Variants in GPC6 observed in about 807,000 individuals in gnomAD.
GPC6 encodes the protein glypican-6.
Under a neutral mutation model 55.2 loss-of-function variants are expected in GPC6, and 14 were observed. That is an observed-to-expected ratio of 0.25 (90% CI 0.17 to 0.40). The LOEUF is 0.40. Ranked by LOEUF, GPC6 falls within the 10% of genes least tolerant of loss-of-function variation. The probability of loss-of-function intolerance (pLI) is 1.00; values close to 1 mark genes in which losing one functional copy is unlikely to be tolerated. For synonymous variants in GPC6, 278 were observed against 259.6 expected (o/e 1.07, Z -0.68); for missense variants, 641 against 708.5 (o/e 0.90, Z 1.08).
At position 93,963,792 on chromosome 13, in the gene GPC6, A is replaced by G. The variant is rs1015831047; in HGVS notation, c.712-63937A>G. ...GTGTTCTTTCCTACAGCTAATTTTC[A>G]AACAGAATTTCAACAGATGTGACAA... On this transcript the variant is annotated intron_variant, in intron 3 of 8. Transcript: ENST00000377047. Among the ~76,000 whole-genome samples the G allele has an allele frequency of 3.9e-5, 6 of 152,340 alleles. No individual in the cohort carries two copies. In the East Asian group the frequency reaches 1.2e-3, roughly 29 times the overall value.
At chr13:94,175,041 T>G (rs746562902) in intron 4 of GPC6, among the ~76,000 whole-genome samples, 5 of 152,246 alleles carry the variant, frequency 3.3e-5, no homozygotes, top group Non-Finnish European at 5.9e-5. Context: ...CTCTTCAGAT[T>G]TCTAACACCA....
At chr13:94,367,984 A>C (rs1472161567) in intron 6 of GPC6, among the ~76,000 whole-genome samples, 2 of 151,774 alleles carry the variant, frequency 1.3e-5, no homozygotes, top group African/African-American at 2.4e-5. Context: ...CCCCATCTCT[A>C]CTAAAAATAC....
At chr13:93,923,508 C>T (rs981727483) in intron 3 of GPC6, among the ~76,000 whole-genome samples, 1 of 151,804 alleles carries the variant, frequency 6.6e-6, no homozygotes, top group Non-Finnish European at 1.5e-5. Context: ...AATTTAACTA[C>T]CATTCTAGGT....
chr13:93,504,538 A>G (rs1391119118), intron 1 of GPC6, among the ~76,000 whole-genome samples: 1 of 146,822 alleles, frequency 6.8e-6, no homozygotes, highest in African/African-American at 2.5e-5. Flanking sequence ...TTTGGGGTGA[A>G]ACCTGGGTCT....
chr13:93,596,107 A>G (rs764783104), intron 2 of GPC6, among the ~76,000 whole-genome samples: 3 of 152,178 alleles, frequency 2.0e-5, no homozygotes, highest in African/African-American at 4.8e-5. Context: ...AGCAAGGGTT[A>G]ATCTTTGCCC....
rs1258600414 is a variant in GPC6, at chr13:94,403,336, G to A, written c.*119G>A. On this transcript the variant is annotated 3_prime_UTR_variant, in exon 9 of 9. Transcript: ENST00000377047. ...AAAAACTTACCGTTTTCTATGAGAA[G>A]AGAGCAGTAATGCAATCTGCCTCCC... 3.0e-5 allele frequency: 23 copies of A among 776,368 alleles called. No individual in the cohort carries two copies. Among genetic ancestry groups the A allele is most frequent in the Non-Finnish European group, 4.9e-5 (22 of 453,278 alleles). The allele number at this position is 776,368 out of a possible 1,614,324, so 48.1% of individuals were successfully genotyped here.
At chr13:93,638,694 G>T (rs1366246950) in intron 2 of GPC6, among the ~76,000 whole-genome samples, 1 of 152,034 alleles carries the variant, frequency 6.6e-6, no homozygotes, top group Non-Finnish European at 1.5e-5. Flanking sequence ...AGCTAAAGTT[G>T]ATTAAAGATG....
chr13:93,253,286 G>T (rs1297803915), intron 1 of GPC6, among the ~76,000 whole-genome samples: 3 of 152,180 alleles, frequency 2.0e-5, no homozygotes, highest in Non-Finnish European at 4.4e-5. Context: ...CCTTTTGAAT[G>T]ATCTATTTAT....
chr13:93,604,348 A>G (rs1878148138), intron 2 of GPC6, among the ~76,000 whole-genome samples: 1 of 152,148 alleles, frequency 6.6e-6, no homozygotes, highest in African/African-American at 2.4e-5. Flanking sequence ...CAGGGCTTAC[A>G]CTTTCTGATT....
At chr13:93,720,007 G>A (rs1003302987) in intron 2 of GPC6, among the ~76,000 whole-genome samples, 3 of 152,060 alleles carry the variant, frequency 2.0e-5, no homozygotes, top group Middle Eastern at 3.4e-3. Context: ...GAGAATTTTC[G>A]TATTGATGTT....
chr13:93,557,628 T>G (rs1156231179), intron 2 of GPC6, among the ~76,000 whole-genome samples: 1 of 152,160 alleles, frequency 6.6e-6, no homozygotes, highest in African/African-American at 2.4e-5. Flanking sequence ...AGAAGTAGCT[T>G]CTAAGAATAT....
intron 1 of GPC6, among the ~76,000 whole-genome samples, chr13:93,368,905 C>T (rs75664163): frequency 0.018 from 2,740 of 152,142 alleles, 72 homozygotes; most frequent in African/African-American, 0.063. Context: ...CCAGTGGGTT[C>T]ATAATTGCTG....
intron 3 of GPC6, among the ~76,000 whole-genome samples, chr13:93,863,942 A>G (rs1200199260): frequency 1.3e-5 from 2 of 151,750 alleles, no homozygotes; most frequent in Non-Finnish European, 3.0e-5. Context: ...TGAAATCAGT[A>G]CTAGTCAAAA....
chr13:93,291,701 C>T (rs1197046201), intron 1 of GPC6, among the ~76,000 whole-genome samples: 1 of 152,000 alleles, frequency 6.6e-6, no homozygotes, highest in Non-Finnish European at 1.5e-5. Flanking sequence ...CTATAGCAAT[C>T]ATATTAAAAA....
rs1881368948 is a variant in GPC6, at chr13:94,406,412, T to C, written c.*3195T>C. 1 of 152,134 alleles carries C rather than the reference T, an allele frequency of 6.6e-6. No homozygotes were observed. Among genetic ancestry groups the C allele is most frequent in the Admixed American group, 6.5e-5 (1 of 15,280 alleles). 9.4% of individuals were successfully genotyped at this position (152,134 alleles called of 1,614,324 possible). A position where few individuals can be genotyped will look rare whatever the true frequency, so the allele number is the denominator to read the frequency against. On this transcript the variant is annotated 3_prime_UTR_variant, in exon 9 of 9. Transcript: ENST00000377047. ...GTCATTTTCACGAAGGCCAAGTTGGTACTTTGATTATAGCCATCGTAGAAC... is the reference window on the plus strand; with the variant it reads ...GTCATTTTCACGAAGGCCAAGTTGGCACTTTGATTATAGCCATCGTAGAAC...
intron 6 of GPC6, among the ~76,000 whole-genome samples, chr13:94,361,532 G>T (rs1879059312): frequency 6.6e-6 from 1 of 152,148 alleles, no homozygotes; most frequent in Non-Finnish European, 1.5e-5. Context: ...GAAGTGAATG[G>T]GCATTGCCAC....
At chr13:94,291,105 A>G (rs1874945586) in intron 5 of GPC6, among the ~76,000 whole-genome samples, 1 of 152,154 alleles carries the variant, frequency 6.6e-6, no homozygotes, top group Non-Finnish European at 1.5e-5. Flanking sequence ...AGGCAGGAGA[A>G]TCTCTTGAAC....
At chr13:93,927,356 T>C (rs905615564) in intron 3 of GPC6, among the ~76,000 whole-genome samples, 1 of 152,198 alleles carries the variant, frequency 6.6e-6, no homozygotes, top group Non-Finnish European at 1.5e-5. Flanking sequence ...GAAGGACATA[T>C]TTTCCTTCCT....
At chr13:93,870,724 C>T (rs910890810) in intron 3 of GPC6, among the ~76,000 whole-genome samples, 3 of 151,768 alleles carry the variant, frequency 2.0e-5, no homozygotes, top group Non-Finnish European at 4.4e-5. Flanking sequence ...CGGAAAACTG[C>T]GTGAACCTAC....
Sources: gnomAD v4.1 joint callset for allele counts (sites outside exome capture counted in the v4.1 genomes callset) on GRCh38, gnomAD v4.1.1 for gene constraint, MANE v1.5 for transcripts, NCBI Gene and HGNC (gene_info 2026-07-23, HGNC 2026-07-21) for gene names.